ROR1: variants seen among roughly 807,000 people sequenced by gnomAD.
The protein encoded by ROR1 is inactive tyrosine-protein kinase transmembrane receptor ROR1.
In ROR1, 19 loss-of-function variants were observed where a neutral mutation model predicts 78.8. The observed-to-expected ratio is 0.24, with a 90% CI of 0.17 to 0.35. The LOEUF (loss-of-function observed/expected upper bound fraction) is 0.35, where lower values mean the gene tolerates loss of function less well. ROR1 is among the 10% of genes least tolerant of loss of function. The pLI, the probability that ROR1 is intolerant of heterozygous loss-of-function variation, is 1.00. For synonymous variants in ROR1, 386 were observed against 433.6 expected (o/e 0.89, Z 1.36); for missense variants, 917 against 1,177.8 (o/e 0.78, Z 3.24).
In ROR1 at chr1:63,876,066, G is replaced by A. The variant is rs570981019; in HGVS notation, c.91+101558G>A. 7.2e-5 allele frequency among the ~76,000 whole-genome samples: 11 copies of A among 152,268 alleles called. No individual in the cohort carries two copies. The South Asian group carries it at 1.0e-3, about 14-fold the overall frequency. On this transcript the variant is annotated intron_variant, in intron 1 of 8. Coordinates refer to ENST00000371079, the MANE Select transcript of ROR1 (RefSeq NM_005012.4). ...GGATTTTAAAGGTGGGTTAAGCTGC[G>A]AAAGTGAATGTAAGTTAAAGCCAGT...
chr1:63,878,637 C>T (rs946188693), intron 1 of ROR1, among the ~76,000 whole-genome samples: 36 of 152,146 alleles, frequency 2.4e-4, no homozygotes, highest in African/African-American at 8.7e-4. Context: ...CCTCTGCTGA[C>T]TTTGCTCCTC....
chr1:63,786,025 G>GTCCTTTT (rs1314524762), intron 1 of ROR1, among the ~76,000 whole-genome samples: 2 of 151,968 alleles, frequency 1.3e-5, no homozygotes, highest in Non-Finnish European at 2.9e-5. Flanking sequence ...GATAACTAAT[G>GTCCTTTT]TCCTTTTTCC....
At chr1:63,970,363 A>G (rs992531404) in intron 1 of ROR1, among the ~76,000 whole-genome samples, 6 of 152,224 alleles carry the variant, frequency 3.9e-5, no homozygotes, top group African/African-American at 1.4e-4. Flanking sequence ...TAGGTACTTA[A>G]TAAATATTGA....
At chr1:63,938,235 C>T (rs915232964) in intron 1 of ROR1, among the ~76,000 whole-genome samples, 1 of 152,176 alleles carries the variant, frequency 6.6e-6, no homozygotes, top group Non-Finnish European at 1.5e-5. Flanking sequence ...ATTTACACAG[C>T]ACTTACATTT....
At chr1:63,807,963 G>A (rs558424509) in intron 1 of ROR1, among the ~76,000 whole-genome samples, 25 of 152,234 alleles carry the variant, frequency 1.6e-4, no homozygotes, top group African/African-American at 6.0e-4. Context: ...GCTGCTACTT[G>A]TTCTTCCCAA....
intron 4 of ROR1, among the ~76,000 whole-genome samples, chr1:64,122,170 G>T (rs972786989): frequency 6.6e-6 from 1 of 152,188 alleles, no homozygotes; most frequent in Admixed American, 6.5e-5. Flanking sequence ...GATCCAATTT[G>T]TGAGCTAGCT....
chr1:64,076,221 G>A (rs1228685442), intron 4 of ROR1, among the ~76,000 whole-genome samples: 1 of 152,164 alleles, frequency 6.6e-6, no homozygotes. Context: ...GGGTCTTAGA[G>A]CAAGAGTTCC....
At chr1:63,896,599 TG>T (rs1412693998) in intron 1 of ROR1, among the ~76,000 whole-genome samples, 1 of 152,178 alleles carries the variant, frequency 6.6e-6, no homozygotes, top group African/African-American at 2.4e-5. Flanking sequence ...CACAGTAAGA[TG>T]GTGATATTGG....
At chr1:63,831,105 G>A (rs922272251) in intron 1 of ROR1, among the ~76,000 whole-genome samples, 2 of 152,202 alleles carry the variant, frequency 1.3e-5, no homozygotes, top group African/African-American at 2.4e-5. Flanking sequence ...GCAGGATACA[G>A]CACCCCTGAC....
intron 4 of ROR1, among the ~76,000 whole-genome samples, chr1:64,124,148 T>C (rs1234760050): frequency 6.6e-6 from 1 of 152,216 alleles, no homozygotes; most frequent in Non-Finnish European, 1.5e-5. Context: ...ATATTAACCT[T>C]AATTATCTGT....
intron 1 of ROR1, among the ~76,000 whole-genome samples, chr1:63,816,950 C>G (rs1265930442): frequency 6.6e-6 from 1 of 152,220 alleles, no homozygotes; most frequent in Non-Finnish European, 1.5e-5. Context: ...AGGCACTGTG[C>G]TGGGCACTGG....
chr1:63,827,230 G>A (rs995007884), intron 1 of ROR1, among the ~76,000 whole-genome samples: 2 of 152,144 alleles, frequency 1.3e-5, no homozygotes, highest in Non-Finnish European at 2.9e-5. Context: ...CTCCCATTCT[G>A]TAGGTAGTCT....
chr1:63,872,457 G>A (rs917010040), intron 1 of ROR1, among the ~76,000 whole-genome samples: 4 of 152,168 alleles, frequency 2.6e-5, no homozygotes, highest in Admixed American at 6.5e-5. Context: ...CATGGGGTTG[G>A]TAGTACTTAT....
chr1:64,037,043 A>G, intron 2 of ROR1, among the ~76,000 whole-genome samples: 1 of 152,194 alleles, frequency 6.6e-6, no homozygotes, highest in East Asian at 1.9e-4. Context: ...TGGTGGCCTC[A>G]GGGTAACTGG....
intron 1 of ROR1, among the ~76,000 whole-genome samples, chr1:63,973,190 C>T (rs116180305): frequency 3.3e-5 from 5 of 152,344 alleles, no homozygotes; most frequent in African/African-American, 9.6e-5. Flanking sequence ...TGGTGACTGC[C>T]CTGTCTCCTT....
intron 1 of ROR1, among the ~76,000 whole-genome samples, chr1:63,868,904 T>C (rs1052651257): frequency 6.6e-6 from 1 of 152,238 alleles, no homozygotes; most frequent in African/African-American, 2.4e-5. Flanking sequence ...TTATTTTGCA[T>C]CATTTTTATT....
chr1:63,805,143 A>G (rs1644820769), intron 1 of ROR1, among the ~76,000 whole-genome samples: 1 of 152,234 alleles, frequency 6.6e-6, no homozygotes, highest in Non-Finnish European at 1.5e-5. Context: ...ATGAAAGAAA[A>G]GGGCCCAAAT....
At chr1:63,998,776 A>G (rs899920960) in intron 1 of ROR1, among the ~76,000 whole-genome samples, 1 of 152,162 alleles carries the variant, frequency 6.6e-6, no homozygotes, top group Non-Finnish European at 1.5e-5. Flanking sequence ...GGAGGTTGAT[A>G]TGGTTTAGCT....
In ROR1 at chr1:64,014,476, C is replaced by T. The variant is rs76955219; in HGVS notation, c.163+5100C>T. Among the ~76,000 whole-genome samples the T allele has an allele frequency of 5.7e-3, 865 of 151,312 alleles. 6 individuals are homozygous for T. Among genetic ancestry groups the T allele is most frequent in the Non-Finnish European group, 0.01 (705 of 67,890 alleles). ...TAAAATAAATGGATCTACAGGGGCT[C>T]AACCTCAGCTTCCCCATAAGAGTGT... On this transcript the variant is annotated intron_variant, in intron 2 of 8. Coordinates refer to ENST00000371079, the MANE Select transcript of ROR1 (RefSeq NM_005012.4).
Sources: allele counts gnomAD v4.1 joint callset (sites outside exome capture counted in the v4.1 genomes callset), GRCh38; gene constraint gnomAD v4.1.1; transcripts MANE v1.5; gene names NCBI Gene and HGNC (gene_info 2026-07-23, HGNC 2026-07-21).